The following PLEKHA7 variants were observed in gnomAD, a reference collection of about 807,000 sequenced individuals.
The protein encoded by PLEKHA7 is pleckstrin homology domain-containing family A member 7.
PLEKHA7 carries 104 observed loss-of-function variants against 170.0 expected under a neutral mutation model. That is an observed-to-expected ratio of 0.61 (90% CI 0.52 to 0.72). The LOEUF (loss-of-function observed/expected upper bound fraction) is 0.72, where lower values mean the gene tolerates loss of function less well. Among genes scored for constraint, PLEKHA7 ranks in the 30% least tolerant of loss-of-function variants. The pLI is 0.00. For synonymous variants in PLEKHA7, 648 were observed against 660.8 expected (o/e 0.98, Z 0.30); for missense variants, 1,615 against 1,671.7 (o/e 0.97, Z 0.59).
At chr11:16,948,663 C>T (rs1861207540) in intron 3 of PLEKHA7, among the ~76,000 whole-genome samples, 2 of 152,184 alleles carry the variant, frequency 1.3e-5, no homozygotes, top group East Asian at 1.9e-4. Flanking sequence ...CACACACACA[C>T]ACACACACAC....
intron 3 of PLEKHA7, among the ~76,000 whole-genome samples, chr11:16,959,373 C>T (rs371719464): frequency 3.3e-5 from 5 of 152,312 alleles, no homozygotes; most frequent in African/African-American, 1.2e-4. Flanking sequence ...AACATGACAA[C>T]TGGAAAGAAA....
chr11:16,869,007 T>G (rs903740542), intron 4 of PLEKHA7, among the ~76,000 whole-genome samples: 3 of 152,182 alleles, frequency 2.0e-5, no homozygotes, highest in South Asian at 2.1e-4. Context: ...CCATCCAGAC[T>G]TAATAACAAC....
At chr11:16,779,431 A>G (rs748668966) in intron 26 of PLEKHA7, among the ~76,000 whole-genome samples, 15 of 152,322 alleles carry the variant, frequency 9.8e-5, no homozygotes, top group African/African-American at 3.6e-4. Flanking sequence ...CAGTACTCCA[A>G]AGAGTATAAT....
At chr11:17,006,344 C>T (rs1164006003) in intron 3 of PLEKHA7, among the ~76,000 whole-genome samples, 3 of 133,056 alleles carry the variant, frequency 2.3e-5, no homozygotes, top group Admixed American at 7.7e-5. Context: ...AAAAAAAAAA[C>T]GTCCAGGCAC....
chr11:16,885,518 G>C (rs1856025872), intron 3 of PLEKHA7, among the ~76,000 whole-genome samples: 2 of 150,710 alleles, frequency 1.3e-5, no homozygotes, highest in Non-Finnish European at 1.5e-5. Context: ...ATATATATTA[G>C]CTGGGAGTGG....
Position 16,789,817 on chromosome 11 carries a change from G to C in PLEKHA7, c.3114C>G (p.Leu1038=). The C allele has an allele frequency of 6.2e-7, 1 of 1,614,140 alleles. No homozygotes were observed. Among genetic ancestry groups the C allele is most frequent in the Non-Finnish European group, 8.5e-7 (1 of 1,179,998 alleles). The change falls in exon 22 of 27, where the codon CTC becomes CTG. Residue 1038 remains leucine (L), a synonymous_variant. Transcript: ENST00000531066. This position sits in a 1 kb window ranked among gnomAD's most constrained non-coding sequence, Gnocchi z 4.6. ...TGCTTTCGGCATTGAGACCCCTCCG[G>C]AGTGTGACGTAGGGAGCAATGGTGG... ...QSSTIAPYVT[L]RRGLNAESSK... is the part of the protein sequence containing the mutation.
At chr11:16,891,514 G>A (rs1245221603) in intron 3 of PLEKHA7, among the ~76,000 whole-genome samples, 1 of 152,102 alleles carries the variant, frequency 6.6e-6, no homozygotes, top group African/African-American at 2.4e-5. Flanking sequence ...CTACTGTTGT[G>A]GTAATTTGTT....
intron 13 of PLEKHA7, among the ~76,000 whole-genome samples, chr11:16,809,683 T>C (rs1482418696): frequency 6.6e-6 from 1 of 152,228 alleles, no homozygotes; most frequent in African/African-American, 2.4e-5. Context: ...CTCAGTTTCA[T>C]TGAGCCTCAG....
At chr11:16,801,360 C>A (rs1042190766) in intron 16 of PLEKHA7, among the ~76,000 whole-genome samples, 2 of 152,224 alleles carry the variant, frequency 1.3e-5, no homozygotes, top group African/African-American at 4.8e-5. Flanking sequence ...CAGATTCTGA[C>A]AACTTGGAAT....
intron 26 of PLEKHA7, among the ~76,000 whole-genome samples, chr11:16,781,961 G>A (rs1025978145): frequency 2.0e-5 from 3 of 152,010 alleles, no homozygotes; most frequent in Admixed American, 2.0e-4. Flanking sequence ...GGGGAGAAAT[G>A]GTACTGGGTG....
rs565300880 is a variant in PLEKHA7 at position 16,789,459 on chromosome 11, G to A, written c.3157-163C>T. The A allele has an allele frequency of 1.2e-5, 8 of 681,994 alleles. No homozygotes were observed. The highest frequency in any genetic ancestry group is 8.1e-5 in the East Asian group (3 of 36,860). The allele number at this position is 681,994 out of a possible 1,614,324, so 42.2% of individuals were successfully genotyped here. The stretch of plus-strand genomic sequence containing the variant: ...GAGAACTATTTCCTCTAAGCAACAC[G>A]ATGCCCCCAACCCTCAGGAGCTTTC... On this transcript the variant is annotated intron_variant, in intron 22 of 26. Transcript: ENST00000531066. This position sits in a 1 kb window ranked among gnomAD's most constrained non-coding sequence, Gnocchi z 4.6.
intron 3 of PLEKHA7, among the ~76,000 whole-genome samples, chr11:16,974,221 T>A (rs1862908189): frequency 6.6e-6 from 1 of 150,712 alleles, no homozygotes; most frequent in Non-Finnish European, 1.5e-5. Context: ...GAGCCAGGAT[T>A]GTGCCACCAC....
intron 3 of PLEKHA7, among the ~76,000 whole-genome samples, chr11:16,923,821 G>A (rs1361781889): frequency 1.3e-5 from 2 of 152,056 alleles, no homozygotes; most frequent in African/African-American, 4.8e-5. Context: ...CAACTTCCAA[G>A]ACATGCTCAT....
chr11:16,788,734 C>A, intron 23 of PLEKHA7: 1 of 333,364 alleles, frequency 3.0e-6, no homozygotes, highest in Non-Finnish European at 5.7e-6. Flanking sequence ...TGCTTCTAAC[C>A]AAATCATGTC....
chr11:16,941,572 C>T (rs1347643719), intron 3 of PLEKHA7, among the ~76,000 whole-genome samples: 1 of 152,210 alleles, frequency 6.6e-6, no homozygotes, highest in Non-Finnish European at 1.5e-5. Flanking sequence ...AGAACACTTA[C>T]TATGAGCCAA....
chr11:16,983,112 T>C (rs1235636255), intron 3 of PLEKHA7, among the ~76,000 whole-genome samples: 1 of 151,934 alleles, frequency 6.6e-6, no homozygotes, highest in Non-Finnish European at 1.5e-5. Flanking sequence ...TTCATGGAGG[T>C]AGCACAGGGG....
intron 13 of PLEKHA7, among the ~76,000 whole-genome samples, chr11:16,808,356 A>G (rs1849133034): frequency 6.6e-6 from 1 of 152,182 alleles, no homozygotes; most frequent in South Asian, 2.1e-4. Flanking sequence ...CTCAAACCCT[A>G]GTGTGCACAA....
intron 26 of PLEKHA7, chr11:16,781,056 G>A: frequency 1.0e-6 from 1 of 980,522 alleles, no homozygotes; most frequent in Non-Finnish European, 1.2e-6. Context: ...TGCTGTGCTA[G>A]ATGGGGCACA....
Position 16,791,141 on chromosome 11 carries a change from G to T in PLEKHA7, c.2804C>A (p.Pro935His), listed in dbSNP as rs935426198. 12 of 1,613,796 alleles carry T rather than the reference G, an allele frequency of 7.4e-6. No individual in the cohort carries two copies. Among genetic ancestry groups the T allele is most frequent in the Admixed American group, 1.7e-5 (1 of 59,960 alleles). The change falls in exon 20 of 27, where the codon CCC becomes CAC. Residue 935 changes from proline (P) to histidine (H), a missense_variant. By Grantham distance (77) the Pro-to-His change is moderately conservative (BLOSUM62 -2). Transcript: ENST00000531066. This position sits in a 1 kb window ranked among gnomAD's most constrained non-coding sequence, Gnocchi z 4.5. ...LPELYSPEDQ[P>H]PAVPPLPREA... ...TCTTGGCAGAGGCGGCACAGCCGGG[G>T]GCTGGTCCTCTGGGCTGTAGAGTTC...
Sources: gnomAD v4.1 joint callset for allele counts (sites outside exome capture counted in the v4.1 genomes callset) on GRCh38, gnomAD v4.1.1 for gene constraint, Gnocchi (gnomAD v3.1) non-coding constraint, MANE v1.5 for transcripts, NCBI Gene and HGNC (gene_info 2026-07-23, HGNC 2026-07-21) for gene names.